Variants in GABRB1 observed in about 807,000 individuals in gnomAD.
GABRB1 encodes the protein gamma-aminobutyric acid receptor subunit beta-1.
Under a neutral mutation model 51.6 loss-of-function variants are expected in GABRB1, and 17 were observed. The ratio of observed to expected loss-of-function variants is 0.33; its 90% confidence interval spans 0.23 to 0.49. The LOEUF (loss-of-function observed/expected upper bound fraction) is 0.49, where lower values mean the gene tolerates loss of function less well. Ranked by LOEUF, GABRB1 falls within the 20% of genes least tolerant of loss-of-function variation. The pLI is 0.99. For synonymous variants in GABRB1, 247 were observed against 218.9 expected (o/e 1.13, Z -1.14); for missense variants, 410 against 600.6 (o/e 0.68, Z 3.32).
chr4:46,999,763 T>A (rs1724123093), intron 1 of GABRB1, among the ~76,000 whole-genome samples: 1 of 152,222 alleles, frequency 6.6e-6, no homozygotes, highest in South Asian at 2.1e-4. Context: ...AATGGATTAA[T>A]GCCAATATGA....
rs113582261 is a variant in GABRB1 at position 47,089,173 on chromosome 4, G to A, written c.240+56689G>A. On this transcript the variant is annotated intron_variant, in intron 3 of 8. Transcript: ENST00000295454. ...ACCTCCAAAACCTTAAATGTTTTTC[G>A]TTTTGGGGATCTCTAGTTTGCAGTC... Among the ~76,000 whole-genome samples the A allele has an allele frequency of 1.4e-3, 208 of 152,276 alleles. 2 individuals are homozygous for A. Among genetic ancestry groups the A allele is most frequent in the African/African-American group, 4.1e-3 (170 of 41,570 alleles).
At chr4:47,362,272 A>G (rs1465174363) in intron 5 of GABRB1, among the ~76,000 whole-genome samples, 1 of 152,154 alleles carries the variant, frequency 6.6e-6, no homozygotes, top group Non-Finnish European at 1.5e-5. Flanking sequence ...TTTGGGATTG[A>G]TGGAACTAGA....
At chr4:47,377,956 G>A (rs1377153935) in intron 5 of GABRB1, among the ~76,000 whole-genome samples, 1 of 152,240 alleles carries the variant, frequency 6.6e-6, no homozygotes, top group African/African-American at 2.4e-5. Flanking sequence ...GTCCCCACCA[G>A]ACTCAGGAGC....
At chr4:47,372,916 C>G (rs775205762) in intron 5 of GABRB1, among the ~76,000 whole-genome samples, 4 of 152,194 alleles carry the variant, frequency 2.6e-5, no homozygotes, top group East Asian at 1.9e-4. Context: ...ACTCCCTCCC[C>G]ATACTCACAC....
At chr4:47,004,699 A>T (rs1192206743) in intron 1 of GABRB1, among the ~76,000 whole-genome samples, 1 of 151,978 alleles carries the variant, frequency 6.6e-6, no homozygotes, top group Non-Finnish European at 1.5e-5. Flanking sequence ...ACAAACAGAC[A>T]AGCAAACAAA....
At chr4:47,407,031 T>C in intron 8 of GABRB1, 105 bp downstream of exon 8, 6 of 1,131,442 alleles carry the variant, frequency 5.3e-6, no homozygotes, top group Non-Finnish European at 6.2e-6. Context: ...ATAGTTGATA[T>C]TTAATAAGAC....
At position 47,255,201 on chromosome 4, in the gene GABRB1, T is replaced by G. The variant is rs545676138; in HGVS notation, c.462-64926T>G. Among the ~76,000 whole-genome samples the G allele has an allele frequency of 1.6e-4, 25 of 152,338 alleles. No individual in the cohort carries two copies. In the East Asian group the frequency reaches 4.6e-3, roughly 28 times the overall value. ...AATCCTGAATGAGTTACATAATCCC[T>G]CTTCTTCACCTATAAAGTGAGCCCA... is the stretch of plus-strand genomic sequence containing the variant. On this transcript the variant is annotated intron_variant, in intron 4 of 8. Transcript: ENST00000295454.
At chr4:47,072,421 A>G (rs1727376372) in intron 3 of GABRB1, among the ~76,000 whole-genome samples, 1 of 152,194 alleles carries the variant, frequency 6.6e-6, no homozygotes, top group Admixed American at 6.5e-5. Context: ...ATGTTTTAGT[A>G]GTAATTCTTC....
chr4:46,998,256 A>C (rs866310256), intron 1 of GABRB1, among the ~76,000 whole-genome samples: 2 of 152,216 alleles, frequency 1.3e-5, no homozygotes, highest in African/African-American at 4.8e-5. Flanking sequence ...AAAGTCACCT[A>C]TTATAGTATG....
Position 47,040,974 on chromosome 4 carries a change from T to C in GABRB1, c.240+8490T>C, listed in dbSNP as rs138820647. On this transcript the variant is annotated intron_variant, in intron 3 of 8. Transcript: ENST00000295454. ...AAACCTTATAGGTAGGGGAAATAGA[T>C]GTGTGGGAAACTTACTTACACAGCA... Among the ~76,000 whole-genome samples, 41 of 152,230 alleles carry C rather than the reference T, an allele frequency of 2.7e-4. No homozygotes were observed. The East Asian group carries it at 7.7e-3, about 29-fold the overall frequency.
chr4:47,083,893 C>T (rs1461550561), intron 3 of GABRB1, among the ~76,000 whole-genome samples: 1 of 152,064 alleles, frequency 6.6e-6, no homozygotes, highest in Non-Finnish European at 1.5e-5. Context: ...GAATAATTGG[C>T]CACCTGCTTT....
chr4:47,111,394 A>T (rs1003208465), intron 3 of GABRB1, among the ~76,000 whole-genome samples: 1 of 151,762 alleles, frequency 6.6e-6, no homozygotes, highest in African/African-American at 2.4e-5. Flanking sequence ...ATATAGATAT[A>T]TCTATAAATC....
At position 47,385,055 on chromosome 4, in the gene GABRB1, G is replaced by A. The variant is rs141527485; in HGVS notation, c.545-18263G>A. ...TACACTTTCCGGAGAATATTAACAC[G>A]AAAGACTTTGCCTACAACCAAACAA... On this transcript the variant is annotated intron_variant, in intron 5 of 8. Coordinates refer to ENST00000295454, the MANE Select transcript of GABRB1 (RefSeq NM_000812.4). 5.3e-3 allele frequency among the ~76,000 whole-genome samples: 804 copies of A among 152,220 alleles called. 4 individuals are homozygous for A. Among genetic ancestry groups the A allele is most frequent in the Non-Finnish European group, 7.0e-3 (474 of 68,004 alleles).
intron 4 of GABRB1, among the ~76,000 whole-genome samples, chr4:47,283,109 C>A (rs890118322): frequency 3.3e-5 from 5 of 152,074 alleles, no homozygotes; most frequent in Admixed American, 1.3e-4. Flanking sequence ...TATTGTAACA[C>A]CCTGAACATG....
chr4:47,170,707 A>G (rs16860008), intron 4 of GABRB1, among the ~76,000 whole-genome samples: 2,114 of 152,296 alleles, frequency 0.014, 49 homozygotes, highest in African/African-American at 0.048. Context: ...TGACAAATGC[A>G]TCTTGTTAAG....
intron 4 of GABRB1, among the ~76,000 whole-genome samples, chr4:47,233,487 C>A (rs1319998279): frequency 6.6e-6 from 1 of 152,042 alleles, no homozygotes; most frequent in Non-Finnish European, 1.5e-5. Flanking sequence ...ATATCCAAGC[C>A]TTTTTGGGAT....
intron 4 of GABRB1, among the ~76,000 whole-genome samples, chr4:47,263,343 C>G (rs1722524554): frequency 6.6e-6 from 1 of 151,858 alleles, no homozygotes; most frequent in Non-Finnish European, 1.5e-5. Flanking sequence ...TAAAATAACC[C>G]ATCGGATAGC....
chr4:47,344,670 A>AG (rs1726023845), intron 5 of GABRB1, among the ~76,000 whole-genome samples: 1 of 152,070 alleles, frequency 6.6e-6, no homozygotes, highest in South Asian at 2.1e-4. Flanking sequence ...GGTGTCTCCA[A>AG]CCAATCTGTT....
At position 47,425,787 on chromosome 4, in the gene GABRB1, C is replaced by T; in HGVS notation, c.1194C>T (p.Asp398=). The change falls in exon 9 of 9, where the codon GAC becomes GAT. Residue 398 remains aspartate (D), a synonymous_variant. Coordinates refer to ENST00000295454, the MANE Select transcript of GABRB1 (RefSeq NM_000812.4). ...SDPKATMYSY[D]SASIQYRKPL... is the part of the protein sequence containing the mutation. ...CCAAGGCCACCATGTACTCCTATGACAGCGCCAGCATCCAGTACCGCAAGC... is the reference window on the plus strand; with the variant it reads ...CCAAGGCCACCATGTACTCCTATGATAGCGCCAGCATCCAGTACCGCAAGC... 1.2e-6 allele frequency: 2 copies of T among 1,614,196 alleles called. No homozygotes were observed. Among genetic ancestry groups the T allele is most frequent in the Non-Finnish European group, 1.7e-6 (2 of 1,180,024 alleles).
Sources: allele counts gnomAD v4.1 joint callset (sites outside exome capture counted in the v4.1 genomes callset), GRCh38; gene constraint gnomAD v4.1.1; transcripts MANE v1.5; gene names NCBI Gene and HGNC (gene_info 2026-07-23, HGNC 2026-07-21).